Variants in SARM1 observed in about 807,000 individuals in gnomAD.
SARM1 encodes sterile alpha and TIR motif containing 1.
A neutral mutation model predicts 65.1 loss-of-function variants in SARM1; 60 were observed. That is an observed-to-expected ratio of 0.92 (90% CI 0.75 to 1.14). The LOEUF (loss-of-function observed/expected upper bound fraction) is 1.14. Among genes scored for constraint, SARM1 ranks in the 50% most tolerant of loss-of-function variants. The pLI is 0.00. For missense variants in SARM1, 913 were observed against 1,015.7 expected, an observed-to-expected ratio of 0.90 and a Z score of 1.37; for synonymous variants, 417 against 465.4, an observed-to-expected ratio of 0.90 and a Z score of 1.34.
chr17:28,387,978 C>G, intron 5 of SARM1, 196 bp from the exon 6 acceptor site: 1 of 603,988 alleles, frequency 1.7e-6, no homozygotes, highest in South Asian at 1.9e-5. Flanking sequence ...ACAGTGCCTG[C>G]CTCCTAAGAG....
In SARM1 at chr17:28,381,538, A is replaced by G; in HGVS notation, c.806A>G (p.His269Arg). 1 of 1,580,200 alleles carries G rather than the reference A, an allele frequency of 6.3e-7. No individual in the cohort carries two copies. The highest frequency in any genetic ancestry group is 8.6e-7 in the Non-Finnish European group (1 of 1,164,494). ...FSKEDELLRL[H>R]ACLAVAVLAT... ...AAGGAGGACGAGCTGCTTCGGCTGC[A>G]CGCCTGCCTCGCAGTAGCGGTGTTG... is the stretch of plus-strand genomic sequence containing the variant. The change falls in exon 2 of 9, where the codon CAC becomes CGC. Residue 269 changes from histidine to arginine, a missense_variant. This residue lies in a region of SARM1 where 862 missense variants were observed against 952.1 expected (regional missense o/e 0.91). Coordinates refer to ENST00000585482, the MANE Select transcript of SARM1 (RefSeq NM_015077.4).
chr17:28,378,655 T>TTTTG (rs1216242217), intron 1 of SARM1, among the ~76,000 whole-genome samples: 6 of 152,094 alleles, frequency 3.9e-5, no homozygotes, highest in Non-Finnish European at 8.8e-5. Context: ...TTTTTGGGTT[T>TTTTG]TTTGTTTGTT....
intron 7 of SARM1, chr17:28,395,370 C>T (rs1284042003): frequency 6.5e-6 from 1 of 154,026 alleles, no homozygotes; most frequent in Non-Finnish European, 1.4e-5. Context: ...TGCCTTCTAC[C>T]ACCTTCCCAG....
In SARM1 at chr17:28,384,958, C is replaced by T. The variant is rs1555585768; in HGVS notation, c.1394+28C>T. On this transcript the variant is annotated intron_variant, in intron 4 of 8. Transcript: ENST00000585482. This position sits in a 1 kb window ranked among gnomAD's most constrained non-coding sequence, Gnocchi z 4.4. ...ACGGAGCCTCCTGCCCGCCGGACCC[C>T]AGCTAGGTCTAAATAAGCTCCCCCT... The T allele has an allele frequency of 6.3e-7, 1 of 1,582,002 alleles. No homozygotes were observed. Among genetic ancestry groups the T allele is most frequent in the African/African-American group, 1.4e-5 (1 of 74,032 alleles).
chr17:28,376,950 C>T (rs782771932), intron 1 of SARM1, among the ~76,000 whole-genome samples: 1 of 151,638 alleles, frequency 6.6e-6, no homozygotes, highest in East Asian at 2.0e-4. Flanking sequence ...CTACCACGCC[C>T]AGTTAGTTTT....
chr17:28,385,144 A>G lies in SARM1; in HGVS notation c.1499A>G (p.Gln500Arg), dbSNP rs1555585828. The G allele has an allele frequency of 2.5e-6, 4 of 1,613,384 alleles. No homozygotes were observed. The highest frequency in any genetic ancestry group is 3.4e-6 in the Non-Finnish European group (4 of 1,179,828). The stretch of plus-strand genomic sequence containing the variant: ...GGCAGCCTGGACCCGCGCTTCCGCC[A>G]GTACACCTACGGCCTGGTCAGCTGC... ...WLGSLDPRFR[Q>R]YTYGLVSCGL... The change falls in exon 5 of 9, where the codon CAG becomes CGG. Residue 500 changes from glutamine (Q) to arginine (R), a missense_variant. Gln to Arg is a conservative substitution (Grantham distance 43, BLOSUM62 1). Around this residue, in one of 3 missense-constraint regions of SARM1, gnomAD observed 862 missense variants for 952.1 expected, o/e 0.91. Coordinates refer to ENST00000585482, the MANE Select transcript of SARM1 (RefSeq NM_015077.4). This position sits in a 1 kb window ranked among gnomAD's most constrained non-coding sequence, Gnocchi z 4.5.
chr17:28,403,531 C>A lies in SARM1; in HGVS notation c.*7245C>A, dbSNP rs192316433. ...CAAATCCCACTCTGTTGAGACCTCC[C>A]CCCGACCCAGAGCAATGACAGCATC... On this transcript the variant is annotated 3_prime_UTR_variant, in exon 9 of 9. Transcript: ENST00000585482. 1.3e-5 allele frequency: 2 copies of A among 152,204 alleles called. No individual in the cohort carries two copies. Among genetic ancestry groups the A allele is most frequent in the Non-Finnish European group, 2.9e-5 (2 of 68,060 alleles). The allele number at this position is 152,204 out of a possible 1,614,324, so 9.4% of individuals were successfully genotyped here. A position where few individuals can be genotyped will look rare whatever the true frequency, so the allele number is the denominator to read the frequency against.
intron 1 of SARM1, among the ~76,000 whole-genome samples, chr17:28,378,076 C>T (rs1202733164): frequency 6.6e-6 from 1 of 152,228 alleles, no homozygotes; most frequent in East Asian, 1.9e-4. Flanking sequence ...ACTCTCCCAC[C>T]TGCTCAGCAG....
chr17:28,372,540 G>C lies in SARM1; in HGVS notation c.470+38G>C, dbSNP rs1555584237. ...GGCCGGGGTTGGGAGAGCGCCGCGT[G>C]GTGTGGACAGTTAAGCGCCTGCGTT... On this transcript the variant is annotated intron_variant, in intron 1 of 8. Transcript: ENST00000585482. This position sits in a 1 kb window ranked among gnomAD's most constrained non-coding sequence, Gnocchi z 5.2. The C allele has an allele frequency of 6.8e-7, 1 of 1,469,218 alleles. No individual in the cohort carries two copies. The highest frequency in any genetic ancestry group is 2.8e-5 in the East Asian group (1 of 36,226). The allele number at this position is 1,469,218 out of a possible 1,614,324, so 91.0% of individuals were successfully genotyped here.
intron 7 of SARM1, 197 bp from the exon 8 acceptor site, chr17:28,395,708 C>A: frequency 1.7e-6 from 1 of 583,974 alleles, no homozygotes; most frequent in Non-Finnish European, 3.0e-6. Context: ...CAGCTCTGTG[C>A]CAGGAACTCT....
chr17:28,397,472 A>T lies in SARM1; in HGVS notation c.*1186A>T, dbSNP rs2068141206. On this transcript the variant is annotated 3_prime_UTR_variant, in exon 9 of 9. Coordinates refer to ENST00000585482, the MANE Select transcript of SARM1 (RefSeq NM_015077.4). ...AGTCATCAGAGCAACTCTACCTGGT[A>T]TTATCATCCCCATTTTACAGATAAT... 1.3e-5 allele frequency: 2 copies of T among 152,232 alleles called. No homozygotes were observed. The highest frequency in any genetic ancestry group is 2.1e-4 in the South Asian group (1 of 4,822). The allele number at this position is 152,232 out of a possible 1,614,324, so 9.4% of individuals were successfully genotyped here.
At chr17:28,382,324 G>T (rs1250144956) in intron 2 of SARM1, among the ~76,000 whole-genome samples, 17 of 152,174 alleles carry the variant, frequency 1.1e-4, no homozygotes, top group Admixed American at 1.1e-3. Flanking sequence ...GAGACAAGTG[G>T]AAGTGGGGAA....
chr17:28,374,966 T>C (rs1443656224), intron 1 of SARM1, among the ~76,000 whole-genome samples: 2 of 95,732 alleles, frequency 2.1e-5, no homozygotes, highest in African/African-American at 5.0e-5. Flanking sequence ...GAGCCAGACC[T>C]TGTCAAAAAA....
Position 28,402,334 on chromosome 17 carries a change from A to G in SARM1, c.*6048A>G, listed in dbSNP as rs1555589792. On this transcript the variant is annotated 3_prime_UTR_variant, in exon 9 of 9. Coordinates refer to ENST00000585482, the MANE Select transcript of SARM1 (RefSeq NM_015077.4). ...AGCAACCCATATCCTGTGGAGAAAC[A>G]AACACTCATCAGGAAAATGGGGCTG... 6 of 1,610,618 alleles carry G rather than the reference A, an allele frequency of 3.7e-6. No homozygotes were observed. Among genetic ancestry groups the G allele is most frequent in the Non-Finnish European group, 5.1e-6 (6 of 1,178,046 alleles).
Position 28,396,303 on chromosome 17 carries a change from C to A in SARM1, c.*17C>A. 6.2e-7 allele frequency: 1 copy of A among 1,613,598 alleles called. No individual in the cohort carries two copies. The highest frequency in any genetic ancestry group is 8.5e-7 in the Non-Finnish European group (1 of 1,179,710). ...CCAACCTAACCAGTCCCCAGTTCCC[C>A]AGCCCTGCTGTGACTTCCATTTCCA... On this transcript the variant is annotated 3_prime_UTR_variant, in exon 9 of 9. Coordinates refer to ENST00000585482, the MANE Select transcript of SARM1 (RefSeq NM_015077.4).
Position 28,396,571 on chromosome 17 carries a change from G to T in SARM1, c.*285G>T. The T allele has an allele frequency of 2.3e-6, 1 of 439,660 alleles. No homozygotes were observed. The highest frequency in any genetic ancestry group is 4.1e-6 in the Non-Finnish European group (1 of 241,746). The allele number at this position is 439,660 out of a possible 1,614,324, so 27.2% of individuals were successfully genotyped here. On this transcript the variant is annotated 3_prime_UTR_variant, in exon 9 of 9. Transcript: ENST00000585482. ...ATGGGGAGGGTCCCTGCTCAGTTCT[G>T]GAGACACTGGAGTTGGGGTGGGGGT... is the stretch of plus-strand genomic sequence containing the variant.
In SARM1 at chr17:28,399,344, CCT is replaced by C. The variant is rs1321625330; in HGVS notation, c.*3062_*3063del. 3 of 338,600 alleles carry C rather than the reference CCT, an allele frequency of 8.9e-6. No homozygotes were observed. Among genetic ancestry groups the C allele is most frequent in the Admixed American group, 4.1e-5 (1 of 24,670 alleles). 21.0% of individuals were successfully genotyped at this position (338,600 alleles called of 1,614,324 possible). On this transcript the variant is annotated 3_prime_UTR_variant, in exon 9 of 9. Transcript: ENST00000585482. ...CCCTGAAGTGTCACCTCTCTCAGGA[CCT>C]CTCCTCTGGCCTGTGGGGTTATAAG... is the stretch of plus-strand genomic sequence containing the variant.
Position 28,402,502 on chromosome 17 carries a change from G to A in SARM1, c.*6216G>A. The A allele has an allele frequency of 3.7e-6, 2 of 538,116 alleles. No individual in the cohort carries two copies. The highest frequency in any genetic ancestry group is 6.0e-5 in the Admixed American group (2 of 33,146). 33.3% of individuals were successfully genotyped at this position (538,116 alleles called of 1,614,324 possible). On this transcript the variant is annotated 3_prime_UTR_variant, in exon 9 of 9. Transcript: ENST00000585482. ...AGGAATGGAGACTGCCCTTGTCTGG[G>A]CTTGGCCACCTGCTAGCTCTCATGA... is the stretch of plus-strand genomic sequence containing the variant.
At position 28,385,505 on chromosome 17, in the gene SARM1, C is replaced by T; in HGVS notation, c.1630+230C>T. On this transcript the variant is annotated intron_variant, in intron 5 of 8. Coordinates refer to ENST00000585482, the MANE Select transcript of SARM1 (RefSeq NM_015077.4). This position sits in a 1 kb window ranked among gnomAD's most constrained non-coding sequence, Gnocchi z 4.5. ...GGGAGGAAGGAGGCTATTAAACAGG[C>T]AAGCGGCCCCGGCAGGAAGCTACCC... is the stretch of plus-strand genomic sequence containing the variant. The T allele has an allele frequency of 1.8e-6, 1 of 551,774 alleles. No homozygotes were observed. Among genetic ancestry groups the T allele is most frequent in the Middle Eastern group, 4.7e-4 (1 of 2,114 alleles). The allele number at this position is 551,774 out of a possible 1,614,324, so 34.2% of individuals were successfully genotyped here.
Sources: allele counts gnomAD v4.1 joint callset (sites outside exome capture counted in the v4.1 genomes callset), GRCh38; gene constraint gnomAD v4.1.1; regional missense constraint gnomAD v4.1.1; non-coding constraint Gnocchi (gnomAD v3.1); transcripts MANE v1.5; gene names NCBI Gene and HGNC (gene_info 2026-07-23, HGNC 2026-07-21).